Variants in VCPIP1 observed in about 807,000 individuals in gnomAD.
The protein encoded by VCPIP1 is valosin containing protein interacting protein 1, also known as deubiquitinating protein VCPIP1.
Under a neutral mutation model 85.0 loss-of-function variants are expected in VCPIP1, and 8 were observed. The ratio of observed to expected loss-of-function variants is 0.09; its 90% CI spans 0.06 to 0.17. VCPIP1 has a LOEUF of 0.17. Among genes scored for constraint, VCPIP1 ranks in the 10% least tolerant of loss-of-function variants. The probability of loss-of-function intolerance (pLI) is 1.00; values close to 1 mark genes in which losing one functional copy is unlikely to be tolerated. For synonymous variants in VCPIP1, 543 were observed against 544.5 expected (o/e 1.00, Z 0.04); for missense variants, 1,070 against 1,486.3 (o/e 0.72, Z 4.61).
rs749362715 is a variant in VCPIP1, at chr8:66,666,989, C to T, written c.-31G>A. 4.7e-6 allele frequency: 7 copies of T among 1,490,214 alleles called. No individual in the cohort carries two copies. The highest frequency in any genetic ancestry group is 5.3e-6 in the Non-Finnish European group (6 of 1,127,374). 92.3% of individuals were successfully genotyped at this position (1,490,214 alleles called of 1,614,324 possible). ...CTGGCTCTCGTGTCTCGCTCCGCGTCCCAGGCGACCCTCAAAAGCTCATAG... is the reference window on the plus strand; with the variant it reads ...CTGGCTCTCGTGTCTCGCTCCGCGTTCCAGGCGACCCTCAAAAGCTCATAG... On this transcript the variant is annotated 5_prime_UTR_variant, in exon 1 of 3. Coordinates refer to ENST00000310421, the MANE Select transcript of VCPIP1 (RefSeq NM_025054.5). The surrounding 1 kb of genome is among the most constrained non-coding windows in gnomAD (Gnocchi z 6.3).
chr8:66,649,824 T>C (rs1409756696), intron 2 of VCPIP1, among the ~76,000 whole-genome samples: 1 of 152,128 alleles, frequency 6.6e-6, no homozygotes, highest in Non-Finnish European at 1.5e-5. Context: ...GTATACAAAA[T>C]TCGTATACTT....
chr8:66,651,185 C>CAAAAAAA (rs896750189), intron 2 of VCPIP1, among the ~76,000 whole-genome samples: 1 of 51,150 alleles, frequency 2.0e-5, no homozygotes, highest in African/African-American at 5.3e-5. Context: ...AATTCCATCT[C>CAAAAAAA]AAAAAAAAAA....
At chr8:66,636,615 C>T (rs1368027646) in intron 2 of VCPIP1, among the ~76,000 whole-genome samples, 8 of 151,276 alleles carry the variant, frequency 5.3e-5, no homozygotes, top group African/African-American at 1.5e-4. Context: ...TGGTGGTGCG[C>T]GCCTGTAGTC....
intron 1 of VCPIP1, among the ~76,000 whole-genome samples, chr8:66,660,985 G>C (rs1205664731): frequency 6.6e-6 from 1 of 152,032 alleles, no homozygotes; most frequent in South Asian, 2.1e-4. Flanking sequence ...AGAGGTTGCA[G>C]TGAGCCGAGA....
chr8:66,636,799 G>A (rs1293268353), intron 2 of VCPIP1, among the ~76,000 whole-genome samples: 6 of 151,772 alleles, frequency 4.0e-5, no homozygotes, highest in Non-Finnish European at 5.9e-5. Context: ...AGGCTGCAGT[G>A]AGCCCAGATC....
chr8:66,649,827 G>A (rs907937946), intron 2 of VCPIP1, among the ~76,000 whole-genome samples: 18 of 152,012 alleles, frequency 1.2e-4, no homozygotes, highest in Admixed American at 2.6e-4. Flanking sequence ...TACAAAATTC[G>A]TATACTTGTA....
rs1811197188 is a variant in VCPIP1, at chr8:66,665,319, C to T, written c.1640G>A (p.Arg547Gln). 1.2e-6 allele frequency: 2 copies of T among 1,613,752 alleles called. No individual in the cohort carries two copies. Among genetic ancestry groups the T allele is most frequent in the East Asian group, 2.2e-5 (1 of 44,892 alleles). Residue 547 changes from arginine to glutamine, a missense_variant, in exon 1 of 3, where the codon CGA becomes CAA. Physicochemically the swap from Arg to Gln is conservative, Grantham distance 43. This residue lies in a region of VCPIP1 where 123 missense variants were observed against 156.3 expected (regional missense o/e 0.79). Coordinates refer to ENST00000310421, the MANE Select transcript of VCPIP1 (RefSeq NM_025054.5). This position sits in a 1 kb window ranked among gnomAD's most constrained non-coding sequence, Gnocchi z 4.3. ...AATAGACCCATCTCCTCTGACCTTT[C>T]GCACAGATGTGCCATGGCACCAATT... ...ACNWCHGTSVRKVRGDGSIVY... is the reference protein window; with the variant it reads ...ACNWCHGTSVQKVRGDGSIVY...
In VCPIP1 at chr8:66,666,596, G is replaced by A; in HGVS notation, c.363C>T (p.Gly121=). Residue 121 remains glycine (G), a synonymous_variant, in exon 1 of 3, where the codon GGC becomes GGT. Coordinates refer to ENST00000310421, the MANE Select transcript of VCPIP1 (RefSeq NM_025054.5). The surrounding 1 kb of genome is among the most constrained non-coding windows in gnomAD (Gnocchi z 6.3). ...KKNTELVKVM[G]LSNYHCKLLS... ...ACAATTTGCAGTGATAGTTGGAAAG[G>A]CCCATCACCTTTACCAGTTCCGTGT... The A allele has an allele frequency of 6.2e-7, 1 of 1,614,116 alleles. No homozygotes were observed. Among genetic ancestry groups the A allele is most frequent in the Non-Finnish European group, 8.5e-7 (1 of 1,180,030 alleles).
intron 2 of VCPIP1, among the ~76,000 whole-genome samples, chr8:66,643,884 C>CAAAA (rs35921029): frequency 2.8e-5 from 2 of 70,502 alleles, no homozygotes; most frequent in Non-Finnish European, 6.4e-5. Flanking sequence ...AATGGACAGC[C>CAAAA]AAAAAAAAAA....
At chr8:66,642,712 A>C (rs1810959550) in intron 2 of VCPIP1, among the ~76,000 whole-genome samples, 1 of 152,242 alleles carries the variant, frequency 6.6e-6, no homozygotes, top group South Asian at 2.1e-4. Flanking sequence ...TTGTCTCAGC[A>C]ACACAGTTAA....
At chr8:66,658,206 C>T (rs2954566) in intron 1 of VCPIP1, among the ~76,000 whole-genome samples, 7 of 151,490 alleles carry the variant, frequency 4.6e-5, no homozygotes, top group Non-Finnish European at 8.9e-5. Flanking sequence ...TTGTGGCAGG[C>T]GCCTGTAATT....
Position 66,630,115 on chromosome 8 carries a change from TATAAA to T in VCPIP1, c.*4381_*4385del, listed in dbSNP as rs1810819981. 6.6e-6 allele frequency: 1 copy of T among 152,154 alleles called. No homozygotes were observed. Among genetic ancestry groups the T allele is most frequent in the African/African-American group, 2.4e-5 (1 of 41,416 alleles). 9.4% of individuals were successfully genotyped at this position (152,154 alleles called of 1,614,324 possible). ...TATTAACTTATAGTTTTATTATTGA[TATAAA>T]AGAAAACTTCAAATACTGTACAGTA... is the stretch of plus-strand genomic sequence containing the variant. On this transcript the variant is annotated 3_prime_UTR_variant, in exon 3 of 3. Transcript: ENST00000310421.
chr8:66,649,626 T>C (rs1811033148), intron 2 of VCPIP1, among the ~76,000 whole-genome samples: 1 of 152,186 alleles, frequency 6.6e-6, no homozygotes, highest in Admixed American at 6.5e-5. Flanking sequence ...TCCATTCACA[T>C]GGTAATATGA....
chr8:66,648,806 C>A (rs969121058), intron 2 of VCPIP1, among the ~76,000 whole-genome samples: 1 of 152,110 alleles, frequency 6.6e-6, no homozygotes, highest in African/African-American at 2.4e-5. Flanking sequence ...ATCTGCCCAA[C>A]TCGGCCTCCC....
At position 66,632,989 on chromosome 8, in the gene VCPIP1, T is replaced by C. The variant is rs1368341130; in HGVS notation, c.*1512A>G. On this transcript the variant is annotated 3_prime_UTR_variant, in exon 3 of 3. Transcript: ENST00000310421. ...GTAAAATGTCTAGATTCTCCATTCT[T>C]TCCTTATTTAAAATAGAGTAGTTTG... 6.6e-6 allele frequency: 1 copy of C among 152,110 alleles called. No homozygotes were observed. The highest frequency in any genetic ancestry group is 2.4e-5 in the African/African-American group (1 of 41,450). 9.4% of individuals were successfully genotyped at this position (152,110 alleles called of 1,614,324 possible). A position where few individuals can be genotyped will look rare whatever the true frequency, so the allele number is the denominator to read the frequency against.
intron 1 of VCPIP1, among the ~76,000 whole-genome samples, chr8:66,654,728 AC>A (rs760293828): frequency 4.7e-5 from 7 of 148,850 alleles, no homozygotes; most frequent in Non-Finnish European, 8.9e-5. Context: ...TTTCTCTCCA[AC>A]CCTCCTAACG....
chr8:66,650,860 CAAAAAAAAAAAAAAA>C lies in VCPIP1; in HGVS notation c.2797+583_2797+597del, dbSNP rs770736039. 4.4e-3 allele frequency among the ~76,000 whole-genome samples: 61 copies of C among 13,928 alleles called. No homozygotes were observed. The South Asian group carries it at 0.084, about 19-fold the overall frequency. 9.1% of individuals were successfully genotyped at this position (13,928 alleles called of 152,430 possible). Reference sequence around the variant, plus strand: ...GGGGGACAAGAGCAAGACTTCGTCTCAAAAAAAAAAAAAAAAAAAAAAAAAAAAAGAATCATACAC... The same window carrying C: ...GGGGGACAAGAGCAAGACTTCGTCTCAAAAAAAAAAAAAAGAATCATACAC... On this transcript the variant is annotated intron_variant, in intron 2 of 2. Transcript: ENST00000310421.
intron 1 of VCPIP1, among the ~76,000 whole-genome samples, chr8:66,656,801 G>A (rs1043371917): frequency 1.3e-5 from 2 of 151,860 alleles, no homozygotes; most frequent in Non-Finnish European, 2.9e-5. Context: ...GTAGATACAG[G>A]GTTTCACCAT....
intron 2 of VCPIP1, among the ~76,000 whole-genome samples, chr8:66,639,499 G>A (rs1159762500): frequency 6.7e-6 from 1 of 150,362 alleles, no homozygotes; most frequent in African/African-American, 2.4e-5. Flanking sequence ...GGATTACAGG[G>A]GCCTGCCACC....
Sources: allele counts gnomAD v4.1 joint callset (sites outside exome capture counted in the v4.1 genomes callset), GRCh38; gene constraint gnomAD v4.1.1; regional missense constraint gnomAD v4.1.1; non-coding constraint Gnocchi (gnomAD v3.1); transcripts MANE v1.5; gene names NCBI Gene and HGNC (gene_info 2026-07-23, HGNC 2026-07-21).